The following SYN3 variants were observed in gnomAD, a reference collection of about 807,000 sequenced individuals.
SYN3 encodes synapsin-3.
Under a neutral mutation model 65.8 loss-of-function variants are expected in SYN3, and 35 were observed. The observed-to-expected ratio is 0.53, with a 90% CI of 0.41 to 0.70. SYN3 has a LOEUF of 0.70. Among genes scored for constraint, SYN3 ranks in the 30% least tolerant of loss-of-function variants. The pLI, the probability that SYN3 is intolerant of heterozygous loss-of-function variation, is 0.00. For synonymous variants in SYN3, 270 were observed against 292.9 expected (o/e 0.92, Z 0.80); for missense variants, 680 against 749.0 (o/e 0.91, Z 1.08).
intron 12 of SYN3, among the ~76,000 whole-genome samples, chr22:32,524,942 G>A (rs1008130285): frequency 6.6e-5 from 10 of 152,186 alleles, no homozygotes; most frequent in Non-Finnish European, 1.3e-4. Context: ...CAGGACCCGC[G>A]AGGTGGAGCT....
intron 4 of SYN3, among the ~76,000 whole-genome samples, chr22:32,909,627 C>G (rs552933373): frequency 3.6e-5 from 5 of 139,740 alleles, no homozygotes; most frequent in South Asian, 2.7e-4. Context: ...CCCGCCCCCC[C>G]ACCCCTTACC....
At chr22:32,669,596 T>C (rs2060333793) in intron 6 of SYN3, among the ~76,000 whole-genome samples, 1 of 152,216 alleles carries the variant, frequency 6.6e-6, no homozygotes, top group African/African-American at 2.4e-5. Flanking sequence ...AGCGTAACAG[T>C]GACAGCAGTG....
intron 1 of SYN3, among the ~76,000 whole-genome samples, chr22:33,051,220 T>A (rs1345430129): frequency 6.6e-6 from 1 of 152,170 alleles, no homozygotes; most frequent in Non-Finnish European, 1.5e-5. Context: ...AAGATAACCC[T>A]TTGTAGGCCT....
At chr22:32,520,059 T>C (rs573777464) in intron 12 of SYN3, among the ~76,000 whole-genome samples, 1 of 152,300 alleles carries the variant, frequency 6.6e-6, no homozygotes, top group Non-Finnish European at 1.5e-5. Context: ...ACACATTTTC[T>C]AGTAGGCACA....
chr22:33,050,439 G>A (rs1433176245), intron 1 of SYN3, among the ~76,000 whole-genome samples: 1 of 143,250 alleles, frequency 7.0e-6, no homozygotes, highest in Non-Finnish European at 1.5e-5. Context: ...CTGAGATCAT[G>A]CCACCGCACT....
chr22:32,928,913 C>T (rs1450693528), intron 4 of SYN3, among the ~76,000 whole-genome samples: 1 of 152,000 alleles, frequency 6.6e-6, no homozygotes, highest in Non-Finnish European at 1.5e-5. Context: ...CTTTTTCAGC[C>T]ATGTCTAATG....
At chr22:32,664,854 T>C (rs1040149924) in intron 6 of SYN3, among the ~76,000 whole-genome samples, 1 of 151,886 alleles carries the variant, frequency 6.6e-6, no homozygotes, top group East Asian at 1.9e-4. Context: ...CCTCCCAATC[T>C]GCCCGCCTCC....
Position 32,509,557 on chromosome 22 carries a change from AAGTATT to A in SYN3, c.*4129_*4134del, listed in dbSNP as rs1235181925. On this transcript the variant is annotated 3_prime_UTR_variant, in exon 14 of 14. Transcript: ENST00000358763. Reference sequence around the variant, plus strand: ...ATGTTCATACACAGACCAATGGGGAAAGTATTATTATTATTATTATTATTATTTTGA... The same window carrying A: ...ATGTTCATACACAGACCAATGGGGAAATTATTATTATTATTATTATTTTGA... Among the ~76,000 whole-genome samples, 2 of 120,236 alleles carry A rather than the reference AAGTATT, an allele frequency of 1.7e-5. No homozygotes were observed. The highest frequency in any genetic ancestry group is 4.0e-4 in the East Asian group (2 of 4,984). 78.9% of individuals were successfully genotyped at this position (120,236 alleles called of 152,430 possible).
chr22:32,763,304 G>A (rs772530927), intron 6 of SYN3, among the ~76,000 whole-genome samples: 22 of 151,930 alleles, frequency 1.4e-4, no homozygotes, highest in Non-Finnish European at 2.9e-4. Flanking sequence ...CTGCCACCAC[G>A]CCTGGCTAAT....
rs73162092 is a variant in SYN3, at chr22:33,036,325, A to G, written c.-163+21967T>C. Among the ~76,000 whole-genome samples the G allele has an allele frequency of 5.9e-3, 906 of 152,312 alleles. 8 individuals carry two copies. The highest frequency in any genetic ancestry group is 0.028 in the South Asian group (136 of 4,826). ...TTGTCATAGGGGACCAGAATACGCT[A>G]TCCCAAAATATACCACTTTGGCATA... On this transcript the variant is annotated intron_variant, in intron 1 of 13. Transcript: ENST00000358763.
chr22:32,760,016 G>C (rs868095159), intron 6 of SYN3, among the ~76,000 whole-genome samples: 5 of 2,544 alleles, frequency 2.0e-3, no homozygotes, highest in Non-Finnish European at 2.0e-3. Context: ...CCACCCACCA[G>C]CAGCCAGTAC....
At chr22:32,908,385 C>CTTTTT (rs10719402) in intron 4 of SYN3, among the ~76,000 whole-genome samples, 1 of 116,636 alleles carries the variant, frequency 8.6e-6, no homozygotes, top group Non-Finnish European at 1.7e-5. Flanking sequence ...CACGCCTAGC[C>CTTTTT]TTTTTTTTTT....
At chr22:32,686,391 CT>C (rs1210786143) in intron 6 of SYN3, among the ~76,000 whole-genome samples, 3,227 of 137,948 alleles carry the variant, frequency 0.023, 82 homozygotes, top group African/African-American at 0.072. Context: ...TCTACATCTC[CT>C]TTTTTTTTTT....
chr22:32,638,743 A>G (rs2059854454), intron 6 of SYN3, among the ~76,000 whole-genome samples: 2 of 151,928 alleles, frequency 1.3e-5, no homozygotes, highest in Non-Finnish European at 2.9e-5. Context: ...GTTTGTGAAT[A>G]TTTTCTCCCA....
rs148707965 is a variant in SYN3 at position 32,523,828 on chromosome 22, T to A, written c.1318+4090A>T. The stretch of plus-strand genomic sequence containing the variant: ...AGGCCTCTTGCACCAGAAAGTTAGC[T>A]AAGTTGTGAATGTGAAGGAAAAGTT... On this transcript the variant is annotated intron_variant, in intron 12 of 13. Transcript: ENST00000358763. 1.1e-4 allele frequency among the ~76,000 whole-genome samples: 16 copies of A among 152,314 alleles called. No individual in the cohort carries two copies. The East Asian group carries it at 3.1e-3, about 29-fold the overall frequency.
chr22:33,008,965 AG>A (rs2053276258), intron 1 of SYN3, among the ~76,000 whole-genome samples: 7 of 107,462 alleles, frequency 6.5e-5, no homozygotes, highest in African/African-American at 2.1e-4. Flanking sequence ...AAAAAAAAAG[AG>A]AGAGAGAGAA....
chr22:32,679,788 T>G (rs745614196), intron 6 of SYN3, among the ~76,000 whole-genome samples: 6 of 147,794 alleles, frequency 4.1e-5, no homozygotes, highest in Admixed American at 3.4e-4. Context: ...TGGAGAAATA[T>G]CTATTCAAGG....
intron 7 of SYN3, among the ~76,000 whole-genome samples, chr22:32,550,639 T>C (rs749815243): frequency 3.3e-5 from 5 of 152,020 alleles, no homozygotes; most frequent in Admixed American, 6.5e-5. Context: ...TTATGATGTA[T>C]TTTTCTCTTA....
chr22:32,907,490 G>A (rs2049933681), intron 4 of SYN3, among the ~76,000 whole-genome samples: 1 of 152,152 alleles, frequency 6.6e-6, no homozygotes, highest in Non-Finnish European at 1.5e-5. Flanking sequence ...TGCCTACTAT[G>A]TGCCAGGAAC....
Sources: gnomAD v4.1 joint callset for allele counts (sites outside exome capture counted in the v4.1 genomes callset) on GRCh38, gnomAD v4.1.1 for gene constraint, MANE v1.5 for transcripts, NCBI Gene and HGNC (gene_info 2026-07-23, HGNC 2026-07-21) for gene names.